PPARGC1A: variants seen among roughly 807,000 people sequenced by gnomAD.
PPARGC1A encodes the protein peroxisome proliferator-activated receptor gamma coactivator 1-alpha.
Under a neutral mutation model 88.7 loss-of-function variants are expected in PPARGC1A, and 25 were observed. The observed-to-expected ratio is 0.28, with a 90% CI of 0.21 to 0.39. PPARGC1A has a LOEUF of 0.39. Among genes scored for constraint, PPARGC1A ranks in the 10% least tolerant of loss-of-function variants. PPARGC1A has a pLI of 1.00. For synonymous variants in PPARGC1A, 363 were observed against 355.6 expected, an observed-to-expected ratio of 1.02 and a Z score of -0.24; for missense variants, 880 against 968.7, an observed-to-expected ratio of 0.91 and a Z score of 1.22.
chr4:24,025,878 C>T, the PPARGC1A span, among the ~76,000 whole-genome samples: 3 of 152,056 alleles, frequency 2.0e-5, no homozygotes, highest in Non-Finnish European at 4.4e-5. Flanking sequence ...AAAATGTGTC[C>T]TGGAGCTGTA....
At chr4:24,081,478 T>C in the PPARGC1A span, among the ~76,000 whole-genome samples, 1 of 152,152 alleles carries the variant, frequency 6.6e-6, no homozygotes, top group African/African-American at 2.4e-5. Flanking sequence ...GCTTACTGGC[T>C]ATGTAATAGA....
the PPARGC1A span, among the ~76,000 whole-genome samples, chr4:24,300,257 G>A: frequency 1.4e-5 from 2 of 142,616 alleles, no homozygotes; most frequent in Middle Eastern, 3.9e-3. Flanking sequence ...CAGGCAAAAC[G>A]AATTTACTAC....
the PPARGC1A span, among the ~76,000 whole-genome samples, chr4:24,184,447 C>G: frequency 3.9e-5 from 6 of 152,196 alleles, no homozygotes; most frequent in Admixed American, 6.5e-5. Flanking sequence ...TTACCAGGTG[C>G]TTAATCCATA....
chr4:23,930,731 A>G, the PPARGC1A span, among the ~76,000 whole-genome samples: 7 of 152,284 alleles, frequency 4.6e-5, no homozygotes, highest in East Asian at 1.4e-3. Context: ...AGGGACAAAC[A>G]CATGCAGGAA....
the PPARGC1A span, among the ~76,000 whole-genome samples, chr4:24,248,443 C>T: frequency 6.6e-6 from 1 of 152,056 alleles, no homozygotes; most frequent in African/African-American, 2.4e-5. Context: ...ACATGGACTG[C>T]TTCCCCCAAG....
the PPARGC1A span, among the ~76,000 whole-genome samples, chr4:24,262,058 G>A: frequency 0.018 from 2,680 of 152,264 alleles, 32 homozygotes; most frequent in Non-Finnish European, 0.028. Context: ...CCCAGCGGCA[G>A]TCTCAAAGCC....
the PPARGC1A span, among the ~76,000 whole-genome samples, chr4:24,116,615 C>A: frequency 6.6e-6 from 1 of 152,136 alleles, no homozygotes; most frequent in Non-Finnish European, 1.5e-5. Flanking sequence ...AGACAACCAC[C>A]CAATGCAACG....
chr4:24,140,413 A>T, the PPARGC1A span, among the ~76,000 whole-genome samples: 1 of 152,168 alleles, frequency 6.6e-6, no homozygotes, highest in South Asian at 2.1e-4. Flanking sequence ...TGTTCACAAC[A>T]ATGCCAAGGA....
the PPARGC1A span, among the ~76,000 whole-genome samples, chr4:24,182,110 G>T: frequency 6.6e-6 from 1 of 151,860 alleles, no homozygotes; most frequent in African/African-American, 2.4e-5. Flanking sequence ...TTTAAGTCCC[G>T]CATGCATTAG....
chr4:24,441,199 G>A, the PPARGC1A span, among the ~76,000 whole-genome samples: 1 of 152,196 alleles, frequency 6.6e-6, no homozygotes, highest in Non-Finnish European at 1.5e-5. Flanking sequence ...CACCCACCCA[G>A]AATGTCATGC....
the PPARGC1A span, among the ~76,000 whole-genome samples, chr4:24,050,007 G>T: frequency 3.9e-5 from 6 of 152,054 alleles, no homozygotes; most frequent in African/African-American, 1.4e-4. Context: ...ACAGTGTAAA[G>T]AATTACATAT....
At chr4:23,900,911 C>A (rs1719255357), upstream of PPARGC1A, among the ~76,000 whole-genome samples, 1 of 152,168 alleles carries the variant, frequency 6.6e-6, no homozygotes, top group African/African-American at 2.4e-5. Context: ...AAAAGTCTTT[C>A]AAGAATTTCT....
the PPARGC1A span, among the ~76,000 whole-genome samples, chr4:24,001,276 G>A: frequency 6.6e-6 from 1 of 152,222 alleles, no homozygotes; most frequent in Admixed American, 6.5e-5. Flanking sequence ...GTGGAAGTGG[G>A]GAGGAAATAA....
chr4:23,998,539 A>C, the PPARGC1A span, among the ~76,000 whole-genome samples: 8 of 152,158 alleles, frequency 5.3e-5, no homozygotes, highest in Non-Finnish European at 1.2e-4. Flanking sequence ...ATATCTTCTT[A>C]ATTAAGCAAT....
chr4:24,198,244 G>C, the PPARGC1A span, among the ~76,000 whole-genome samples: 8 of 152,306 alleles, frequency 5.3e-5, no homozygotes, highest in South Asian at 1.5e-3. Context: ...CAAAGTATTT[G>C]CTTATATCTG....
At chr4:24,000,900 G>A in the PPARGC1A span, among the ~76,000 whole-genome samples, 7 of 152,326 alleles carry the variant, frequency 4.6e-5, no homozygotes, top group East Asian at 1.2e-3. Flanking sequence ...ACAACCAGCA[G>A]TGAGCAAAAT....
At chr4:23,989,414 C>T in the PPARGC1A span, among the ~76,000 whole-genome samples, 2 of 151,854 alleles carry the variant, frequency 1.3e-5, no homozygotes, top group African/African-American at 4.8e-5. Flanking sequence ...ACATTTTTAA[C>T]CTGTGCTCTA....
chr4:24,234,568 T>C, the PPARGC1A span, among the ~76,000 whole-genome samples: 1 of 152,190 alleles, frequency 6.6e-6, no homozygotes, highest in Non-Finnish European at 1.5e-5. Flanking sequence ...TAAGTGTCTC[T>C]GGAAGGCATC....
rs1560353534 is a variant in PPARGC1A at position 23,814,175 on chromosome 4, C to T, written c.1308G>A (p.Glu436=). The change falls in exon 8 of 13, where the codon GAG becomes GAA. Residue 436 remains glutamate (E), a synonymous_variant. Transcript: ENST00000264867. ...STDSDQCYLR[E]TLEASKQVSP... ...AGACCTGCTTGCTTGCCTCCAAAGT[C>T]TCTCTCAGGTAGCACTGGTCTGAAT... 6.2e-7 allele frequency: 1 copy of T among 1,614,100 alleles called. No individual in the cohort carries two copies. Among genetic ancestry groups the T allele is most frequent in the East Asian group, 2.2e-5 (1 of 44,868 alleles).
Sources: gnomAD v4.1 joint callset for allele counts (sites outside exome capture counted in the v4.1 genomes callset) on GRCh38, gnomAD v4.1.1 for gene constraint, MANE v1.5 for transcripts, NCBI Gene and HGNC (gene_info 2026-07-23, HGNC 2026-07-21) for gene names.